The following POU2F1 variants were observed in gnomAD, a reference collection of about 807,000 sequenced individuals.
POU2F1 encodes POU class 2 homeobox 1.
Under a neutral mutation model 84.9 loss-of-function variants are expected in POU2F1, and 16 were observed. The ratio of observed to expected loss-of-function variants is 0.19; its 90% CI spans 0.13 to 0.29. The LOEUF is 0.29. Among genes scored for constraint, POU2F1 ranks in the 10% least tolerant of loss-of-function variants. The probability of loss-of-function intolerance (pLI) is 1.00; values close to 1 mark genes in which losing one functional copy is unlikely to be tolerated. For missense variants in POU2F1, 738 were observed against 942.6 expected, an observed-to-expected ratio of 0.78 and a Z score of 2.84; for synonymous variants, 368 against 368.3, an observed-to-expected ratio of 1.00 and a Z score of 0.01.
At chr1:167,248,671 A>C (rs946623512) in intron 1 of POU2F1, among the ~76,000 whole-genome samples, 1 of 152,200 alleles carries the variant, frequency 6.6e-6, no homozygotes, top group Non-Finnish European at 1.5e-5. Flanking sequence ...TTAGGTTGGG[A>C]TAAGGCGGTT....
intron 15 of POU2F1, among the ~76,000 whole-genome samples, chr1:167,413,646 C>A (rs1266267826): frequency 5.9e-5 from 9 of 152,156 alleles, no homozygotes; most frequent in Admixed American, 5.9e-4. Flanking sequence ...TAGTGTAGAA[C>A]ATATATTCTC....
intron 11 of POU2F1, 111 bp from the exon 12 acceptor site, chr1:167,399,075 G>A: frequency 4.0e-6 from 4 of 1,011,246 alleles, no homozygotes; most frequent in Non-Finnish European, 5.7e-6. Flanking sequence ...GGCCTAATGT[G>A]GATGGTCATA....
chr1:167,237,256 T>C (rs898421708), intron 1 of POU2F1, among the ~76,000 whole-genome samples: 1 of 152,188 alleles, frequency 6.6e-6, no homozygotes, highest in Non-Finnish European at 1.5e-5. Flanking sequence ...TTATGCGTGT[T>C]GGGGAGTGTA....
At chr1:167,313,192 A>G (rs904205098) in intron 1 of POU2F1, among the ~76,000 whole-genome samples, 3 of 151,942 alleles carry the variant, frequency 2.0e-5, no homozygotes, top group Non-Finnish European at 2.9e-5. Flanking sequence ...GATACAGAGT[A>G]AGGGAGAGAT....
rs1444102412 is a variant in POU2F1, at chr1:167,426,374, A to C, written c.*10564A>C. The C allele has an allele frequency of 6.6e-6, 1 of 152,198 alleles. No homozygotes were observed. Among genetic ancestry groups the C allele is most frequent in the Non-Finnish European group, 1.5e-5 (1 of 68,032 alleles). 9.4% of individuals were successfully genotyped at this position (152,198 alleles called of 1,614,324 possible). A position where few individuals can be genotyped will look rare whatever the true frequency, so the allele number is the denominator to read the frequency against. ...TTGTATGTTTTGGGTGTGTCTATGT[A>C]TGTATTAACATAACAGTTTTCACTG... On this transcript the variant is annotated 3_prime_UTR_variant, in exon 16 of 16. Transcript: ENST00000367866.
At chr1:167,291,964 T>A (rs569014648) in intron 1 of POU2F1, among the ~76,000 whole-genome samples, 1 of 152,238 alleles carries the variant, frequency 6.6e-6, no homozygotes, top group East Asian at 1.9e-4. Context: ...TTGAGGCTCC[T>A]GAGATCTGGC....
chr1:167,229,680 A>T (rs77293829), intron 1 of POU2F1, among the ~76,000 whole-genome samples: 4,823 of 152,302 alleles, frequency 0.032, 123 homozygotes, highest in African/African-American at 0.076. Context: ...TTTTTCTTAC[A>T]TGAGCACAGG....
intron 2 of POU2F1, among the ~76,000 whole-genome samples, chr1:167,336,975 G>A (rs1419779309): frequency 6.6e-6 from 1 of 152,146 alleles, no homozygotes; most frequent in Non-Finnish European, 1.5e-5. Flanking sequence ...AGACCAGCCT[G>A]ACCAACATGG....
chr1:167,233,993 CAGGTT>C (rs1337508992), intron 1 of POU2F1, among the ~76,000 whole-genome samples: 1 of 152,192 alleles, frequency 6.6e-6, no homozygotes, highest in Non-Finnish European at 1.5e-5. Flanking sequence ...TCCTATCTTT[CAGGTT>C]AGGAAACCGA....
intron 1 of POU2F1, among the ~76,000 whole-genome samples, chr1:167,255,910 A>C (rs546712120): frequency 6.6e-6 from 1 of 152,288 alleles, no homozygotes; most frequent in African/African-American, 2.4e-5. Context: ...ACAGGGAGGC[A>C]TTTACCTTGG....
At chr1:167,325,887 C>CAAAAAAAA (rs1184183063) in intron 1 of POU2F1, among the ~76,000 whole-genome samples, 1 of 99,514 alleles carries the variant, frequency 1.0e-5, no homozygotes, top group Non-Finnish European at 2.3e-5. Flanking sequence ...AACTCCATCT[C>CAAAAAAAA]AAAAAAAAAA....
At chr1:167,389,234 G>C (rs1048953129) in intron 8 of POU2F1, among the ~76,000 whole-genome samples, 2 of 152,162 alleles carry the variant, frequency 1.3e-5, no homozygotes, top group Non-Finnish European at 1.5e-5. Flanking sequence ...GACAGTTGAA[G>C]TGCTAGACTT....
intron 1 of POU2F1, among the ~76,000 whole-genome samples, chr1:167,256,457 G>T (rs572350108): frequency 5.3e-5 from 8 of 149,718 alleles, no homozygotes; most frequent in African/African-American, 2.0e-4. Flanking sequence ...AATAATTGTT[G>T]TTGAAGCAGG....
chr1:167,382,355 C>T (rs1028024843), intron 7 of POU2F1, among the ~76,000 whole-genome samples: 1 of 152,056 alleles, frequency 6.6e-6, no homozygotes, highest in African/African-American at 2.4e-5. Flanking sequence ...AATCTGAAGA[C>T]AAGAGTCTTG....
At chr1:167,414,109 C>T (rs952530928) in intron 15 of POU2F1, among the ~76,000 whole-genome samples, 1 of 151,974 alleles carries the variant, frequency 6.6e-6, no homozygotes, top group African/African-American at 2.4e-5. Flanking sequence ...TAACAGTGTA[C>T]TAGAGAATGT....
At chr1:167,398,430 T>A (rs1455111647) in intron 11 of POU2F1, among the ~76,000 whole-genome samples, 1 of 152,084 alleles carries the variant, frequency 6.6e-6, no homozygotes, top group African/African-American at 2.4e-5. Context: ...GAAAGTACTT[T>A]AAGCAGAGGA....
chr1:167,290,160 G>A (rs1053853783), intron 1 of POU2F1, among the ~76,000 whole-genome samples: 1 of 152,154 alleles, frequency 6.6e-6, no homozygotes, highest in African/African-American at 2.4e-5. Flanking sequence ...GCAGGCAGAG[G>A]CGGGTGGATC....
chr1:167,380,432 A>C (rs1202741148), intron 7 of POU2F1: 1 of 152,238 alleles, frequency 6.6e-6, no homozygotes, highest in Non-Finnish European at 1.5e-5. Context: ...AGAGAATGAA[A>C]AGGTTGTTCC....
rs1332990372 is a variant in POU2F1, at chr1:167,305,360, G to GT, written c.62-27103dup. On this transcript the variant is annotated intron_variant, in intron 1 of 15. Coordinates refer to ENST00000367866, the MANE Select transcript of POU2F1 (RefSeq NM_002697.4). ...ACACCACCACACCCAGCTAATTTTTGTTTTTTTGTTTGTTTGTTTTGTAGA... is the reference window on the plus strand; with the variant it reads ...ACACCACCACACCCAGCTAATTTTTGTTTTTTTTGTTTGTTTGTTTTGTAGA... Among the ~76,000 whole-genome samples, 8 of 151,864 alleles carry GT rather than the reference G, an allele frequency of 5.3e-5. No homozygotes were observed. In the East Asian group the frequency reaches 7.7e-4, roughly 15 times the overall value.
Sources: allele counts gnomAD v4.1 joint callset (sites outside exome capture counted in the v4.1 genomes callset), GRCh38; gene constraint gnomAD v4.1.1; transcripts MANE v1.5; gene names NCBI Gene and HGNC (gene_info 2026-07-23, HGNC 2026-07-21).